The following RUNX2 variants were observed in gnomAD, a reference collection of about 807,000 sequenced individuals.
RUNX2 encodes RUNX family transcription factor 2, also known as runt-related transcription factor 2.
Under a neutral mutation model 51.7 loss-of-function variants are expected in RUNX2, and 10 were observed. The observed-to-expected ratio is 0.19, with a 90% CI of 0.12 to 0.33. The LOEUF (loss-of-function observed/expected upper bound fraction) is 0.33, where lower values mean the gene tolerates loss of function less well. Ranked by LOEUF, RUNX2 falls within the 10% of genes least tolerant of loss-of-function variation. The pLI is 1.00. For missense variants in RUNX2, 562 were observed against 691.3 expected, an observed-to-expected ratio of 0.81 and a Z score of 2.10; for synonymous variants, 276 against 273.6, an observed-to-expected ratio of 1.01 and a Z score of -0.09.
rs1273237340 is a variant in RUNX2 at position 45,547,499 on chromosome 6, G to A, written c.*194G>A. ...AGAGGGTAGATATTGAGAAGCAGAA[G>A]GCTCAAGAGAGACAATTGCAATCGA... On this transcript the variant is annotated 3_prime_UTR_variant, in exon 9 of 9. Transcript: ENST00000647337. The A allele has an allele frequency of 8.3e-6, 5 of 604,206 alleles. No individual in the cohort carries two copies. In the Admixed American group the frequency reaches 1.2e-4, roughly 14 times the overall value. 37.4% of individuals were successfully genotyped at this position (604,206 alleles called of 1,614,324 possible).
intron 6 of RUNX2, among the ~76,000 whole-genome samples, chr6:45,498,624 A>G (rs1351890531): frequency 6.6e-6 from 1 of 152,222 alleles, no homozygotes; most frequent in Non-Finnish European, 1.5e-5. Flanking sequence ...TGCTTGCCAG[A>G]CATCCTGTCT....
At position 45,542,931 on chromosome 6, in the gene RUNX2, T is replaced by G. The variant is rs571560673; in HGVS notation, c.1022-2286T>G. 6.8e-4 allele frequency among the ~76,000 whole-genome samples: 104 copies of G among 152,310 alleles called. 1 individual carries two copies. The highest frequency in any genetic ancestry group is 4.9e-3 in the Admixed American group (75 of 15,300). ...CCTATTTGTCAAACAGGGGTTAGATTTGCATTACCTAAGCAGCAAATTAAG... is the reference window on the plus strand; with the variant it reads ...CCTATTTGTCAAACAGGGGTTAGATGTGCATTACCTAAGCAGCAAATTAAG... On this transcript the variant is annotated intron_variant, in intron 7 of 8. Coordinates refer to ENST00000647337, the MANE Select transcript of RUNX2 (RefSeq NM_001024630.4).
At chr6:45,433,803 C>G (rs1251173172) in intron 4 of RUNX2, among the ~76,000 whole-genome samples, 1 of 152,156 alleles carries the variant, frequency 6.6e-6, no homozygotes. Flanking sequence ...AAAAGACAGA[C>G]TTAACTGCTT....
rs770723869 is a variant in RUNX2, at chr6:45,422,749, AGGCGGCGGCGGCGGCTGCGGCGGC to A, written c.225_248del (p.Ala82_Ala89del). On this transcript the variant is annotated inframe_deletion, in exon 3 of 9. Coordinates refer to ENST00000647337, the MANE Select transcript of RUNX2 (RefSeq NM_001024630.4). ...CAGCAACAGCAGCAGCAGCAGCAGG[AGGCGGCGGCGGCGGCTGCGGCGGC>A]GGCGGCGGCTGCGGCGGCGGCAGCT... 8.5e-6 allele frequency: 13 copies of A among 1,531,120 alleles called. No individual in the cohort carries two copies. Among genetic ancestry groups the A allele is most frequent in the Non-Finnish European group, 9.6e-6 (11 of 1,143,322 alleles). The allele number at this position is 1,531,120 out of a possible 1,614,324, so 94.8% of individuals were successfully genotyped here.
chr6:45,523,492 A>G (rs568665122), intron 7 of RUNX2, among the ~76,000 whole-genome samples: 338 of 151,920 alleles, frequency 2.2e-3, no homozygotes, highest in Non-Finnish European at 3.7e-3. Flanking sequence ...GCTGGTCTCA[A>G]ACTCCTGACC....
intron 6 of RUNX2, among the ~76,000 whole-genome samples, chr6:45,500,614 AG>A (rs1157280981): frequency 1.3e-5 from 2 of 152,184 alleles, no homozygotes; most frequent in Non-Finnish European, 2.9e-5. Context: ...GTGAAGGTGT[AG>A]GGGGAAAGAT....
chr6:45,544,521 A>G (rs765058046), intron 7 of RUNX2, among the ~76,000 whole-genome samples: 95 of 152,328 alleles, frequency 6.2e-4, no homozygotes, highest in Non-Finnish European at 9.0e-4. Flanking sequence ...GTACAGATAC[A>G]CCTAAGAAGC....
chr6:45,425,623 C>G (rs1010306245), intron 3 of RUNX2, among the ~76,000 whole-genome samples: 6 of 152,150 alleles, frequency 3.9e-5, no homozygotes, highest in Non-Finnish European at 5.9e-5. Flanking sequence ...AGAAAATACT[C>G]TGTTGAGAAA....
In RUNX2 at chr6:45,414,754, C is replaced by CT. The variant is rs34672680; in HGVS notation, c.59-7809dup. 3.6e-3 allele frequency among the ~76,000 whole-genome samples: 121 copies of CT among 33,442 alleles called. 23 individuals are homozygous for CT. The highest frequency in any genetic ancestry group is 0.011 in the African/African-American group (101 of 9,234). 21.9% of individuals were successfully genotyped at this position (33,442 alleles called of 152,430 possible). A position where few individuals can be genotyped will look rare whatever the true frequency, so the allele number is the denominator to read the frequency against. The stretch of plus-strand genomic sequence containing the variant: ...ATCTCTCCACCTTCCCAGATCCTGG[C>CT]TTTTTTTTTTTTTTTTTTTTTTTTT... On this transcript the variant is annotated intron_variant, in intron 2 of 8. Coordinates refer to ENST00000647337, the MANE Select transcript of RUNX2 (RefSeq NM_001024630.4).
intron 2 of RUNX2, among the ~76,000 whole-genome samples, chr6:45,353,790 TA>T (rs1228215413): frequency 1.3e-5 from 2 of 152,024 alleles, no homozygotes; most frequent in South Asian, 2.1e-4. Flanking sequence ...TTTTTTTTTT[TA>T]ATCACTATAT....
intron 2 of RUNX2, among the ~76,000 whole-genome samples, chr6:45,363,628 CAACAT>C (rs987074020): frequency 1.3e-5 from 2 of 151,814 alleles, no homozygotes; most frequent in African/African-American, 4.8e-5. Flanking sequence ...TAACATAACA[CAACAT>C]AAAATATTCT....
intron 2 of RUNX2, among the ~76,000 whole-genome samples, chr6:45,420,737 C>T (rs535307540): frequency 2.4e-4 from 37 of 152,294 alleles, no homozygotes; most frequent in Non-Finnish European, 4.7e-4. Flanking sequence ...CCCTGTGCCC[C>T]CTTCTTGGGG....
At chr6:45,455,479 G>A (rs1339209223) in intron 5 of RUNX2, among the ~76,000 whole-genome samples, 2 of 152,066 alleles carry the variant, frequency 1.3e-5, no homozygotes. Context: ...CGTTAATTGA[G>A]CAAACATTTG....
At chr6:45,526,912 A>G (rs146438886) in intron 7 of RUNX2, among the ~76,000 whole-genome samples, 268 of 152,360 alleles carry the variant, frequency 1.8e-3, no homozygotes, top group African/African-American at 6.0e-3. Flanking sequence ...GATAGTTAAT[A>G]TATGTAAAGC....
chr6:45,329,161 C>T (rs1786953932), intron 2 of RUNX2, among the ~76,000 whole-genome samples: 1 of 151,926 alleles, frequency 6.6e-6, no homozygotes, highest in Non-Finnish European at 1.5e-5. Context: ...ACTCCGGCAG[C>T]TCCCAATATT....
At chr6:45,416,250 A>G (rs1480755976) in intron 2 of RUNX2, among the ~76,000 whole-genome samples, 1 of 152,120 alleles carries the variant, frequency 6.6e-6, no homozygotes, top group Non-Finnish European at 1.5e-5. Flanking sequence ...CTAGTTTGTA[A>G]TTCAAATTTC....
At chr6:45,462,368 A>G (rs1799501103) in intron 5 of RUNX2, among the ~76,000 whole-genome samples, 1 of 152,224 alleles carries the variant, frequency 6.6e-6, no homozygotes, top group Admixed American at 6.5e-5. Flanking sequence ...TCTCATTGAC[A>G]TCGATAGTCT....
chr6:45,546,220 G>A (rs1802395961), intron 8 of RUNX2, among the ~76,000 whole-genome samples: 1 of 152,000 alleles, frequency 6.6e-6, no homozygotes, highest in African/African-American at 2.4e-5. Context: ...TCCACCCCCA[G>A]AGAAGTTATG....
Position 45,492,022 on chromosome 6 carries a change from G to C in RUNX2, c.767G>C (p.Ser256Thr), listed in dbSNP as rs776708490. ...LSDLGRIPHP[S>T]MRVGVPPQNP... Reference sequence around the variant, plus strand: ...GATTTAGGGCGCATTCCTCATCCCAGTATGAGAGTAGGTGTCCCGCCTCAG... The same window carrying C: ...GATTTAGGGCGCATTCCTCATCCCACTATGAGAGTAGGTGTCCCGCCTCAG... The change falls in exon 6 of 9, where the codon AGT becomes ACT. Residue 256 changes from serine (S) to threonine (T), a missense_variant. By Grantham distance (58) the Ser-to-Thr change is moderately conservative. Around this residue, in one of 5 missense-constraint regions of RUNX2, gnomAD observed 304 missense variants for 353.2 expected, o/e 0.86. Coordinates refer to ENST00000647337, the MANE Select transcript of RUNX2 (RefSeq NM_001024630.4). The C allele has an allele frequency of 1.4e-5, 22 of 1,613,938 alleles. No individual in the cohort carries two copies. In the Middle Eastern group the frequency reaches 2.3e-3, roughly 170 times the overall value.
Sources: allele counts gnomAD v4.1 joint callset (sites outside exome capture counted in the v4.1 genomes callset), GRCh38; gene constraint gnomAD v4.1.1; regional missense constraint gnomAD v4.1.1; transcripts MANE v1.5; gene names NCBI Gene and HGNC (gene_info 2026-07-23, HGNC 2026-07-21).